The following RAD51D variants were observed in gnomAD, a reference collection of about 807,000 sequenced individuals.
RAD51D encodes RAD51 paralog D.
RAD51D carries 38 observed loss-of-function variants against 44.1 expected under a neutral mutation model. The observed-to-expected ratio is 0.86, with a 90% CI of 0.67 to 1.13. The LOEUF (loss-of-function observed/expected upper bound fraction) is 1.13. RAD51D is among the 50% of genes most tolerant of loss of function. The pLI is 0.00. For missense variants in RAD51D, 390 were observed against 414.0 expected (o/e 0.94, Z 0.50); for synonymous variants, 141 against 166.6 (o/e 0.85, Z 1.18).
intron 1 of RAD51D, 21 bp from the exon 2 acceptor site, chr17:35,119,193 G>A (rs747577074): frequency 6.2e-7 from 1 of 1,608,334 alleles, no homozygotes. Flanking sequence ...AACACGTATA[G>A]CGGATTGGCA....
intron 3 of RAD51D, among the ~76,000 whole-genome samples, chr17:35,117,919 T>A (rs566522332): frequency 6.0e-4 from 92 of 152,330 alleles, no homozygotes; most frequent in African/African-American, 2.0e-3. Context: ...CCTCTTAGGC[T>A]AAACTCAAGT....
intron 3 of RAD51D, among the ~76,000 whole-genome samples, chr17:35,109,641 T>G (rs1416601976): frequency 2.0e-5 from 3 of 152,196 alleles, no homozygotes; most frequent in Non-Finnish European, 4.4e-5. Context: ...GTTTTTAATT[T>G]GCATTTCCCT....
Position 35,100,968 on chromosome 17 carries a change from C to A in RAD51D, c.972G>T (p.Gln324His), listed in dbSNP as rs762625437. Residue 324 changes from glutamine to histidine, a missense_variant, in exon 10 of 10, where the codon CAG (glutamine) becomes CAT (histidine). Gln to His is a conservative substitution (Grantham distance 24, BLOSUM62 0). Transcript: ENST00000345365. ...WGTSEQSATL[Q>H]GDQT Reference sequence around the variant, plus strand: ...ACAGCACAGGTCATGTCTGATCACCCTGTAATGTGGCACTCTGCTCTGAGG... The same window carrying A: ...ACAGCACAGGTCATGTCTGATCACCATGTAATGTGGCACTCTGCTCTGAGG... 11 of 1,612,968 alleles carry A rather than the reference C, an allele frequency of 6.8e-6. No homozygotes were observed. Among genetic ancestry groups the A allele is most frequent in the Non-Finnish European group, 9.3e-6 (11 of 1,179,066 alleles).
rs532025403 is a variant in RAD51D at position 35,099,962 on chromosome 17, T to C, written c.*991A>G. The C allele has an allele frequency of 5.9e-5, 31 of 527,296 alleles. No homozygotes were observed. The highest frequency in any genetic ancestry group is 4.6e-4 in the South Asian group (30 of 65,102). 32.7% of individuals were successfully genotyped at this position (527,296 alleles called of 1,614,324 possible). On this transcript the variant is annotated 3_prime_UTR_variant, in exon 10 of 10. Transcript: ENST00000345365. ...GGCAGGAAGAGAGGTGTAATTATATTGCATCTTGGAGCCACCAGCAATGAA... is the reference window on the plus strand; with the variant it reads ...GGCAGGAAGAGAGGTGTAATTATATCGCATCTTGGAGCCACCAGCAATGAA...
At position 35,095,952 on chromosome 17, in the gene RAD51D, AG is replaced by A. The variant is rs879876971; in HGVS notation, c.*5000del. 5.9e-5 allele frequency: 9 copies of A among 152,222 alleles called. No individual in the cohort carries two copies. Among genetic ancestry groups the A allele is most frequent in the Non-Finnish European group, 1.0e-4 (7 of 68,042 alleles). The allele number at this position is 152,222 out of a possible 1,614,324, so 9.4% of individuals were successfully genotyped here. A position where few individuals can be genotyped will look rare whatever the true frequency, so the allele number is the denominator to read the frequency against. On this transcript the variant is annotated 3_prime_UTR_variant, in exon 10 of 10. Coordinates refer to ENST00000345365, the MANE Select transcript of RAD51D (RefSeq NM_002878.4). The stretch of plus-strand genomic sequence containing the variant: ...CACATCATCAGCTTCAGTGGGTTCC[AG>A]GCAGCCAACTATTCAAACCATTTTC...
rs2142417438 is a variant in RAD51D at position 35,103,199 on chromosome 17, TA to T, written c.738+54del. The T allele has an allele frequency of 2.0e-6, 3 of 1,524,728 alleles. No individual in the cohort carries two copies. Among genetic ancestry groups the T allele is most frequent in the Non-Finnish European group, 2.7e-6 (3 of 1,120,074 alleles). The allele number at this position is 1,524,728 out of a possible 1,614,324, so 94.4% of individuals were successfully genotyped here. ...TTCAGAAGCTGACATTTAAGGGAAA[TA>T]AAGAGCTCGCAATAACTAGAAATCA... On this transcript the variant is annotated intron_variant, in intron 8 of 9. Transcript: ENST00000345365. The surrounding 1 kb of genome is among the most constrained non-coding windows in gnomAD (Gnocchi z 4.1).
At chr17:35,110,966 A>G (rs1597867172) in intron 3 of RAD51D, among the ~76,000 whole-genome samples, 1 of 151,866 alleles carries the variant, frequency 6.6e-6, no homozygotes, top group South Asian at 2.1e-4. Context: ...TTAGCTGGGC[A>G]TGGTGGCATG....
chr17:35,101,139 G>C (rs2091530578), intron 9 of RAD51D, 62 bp downstream of exon 9: 1 of 1,611,904 alleles, frequency 6.2e-7, no homozygotes, highest in South Asian at 1.1e-5. Context: ...GAAGACATCT[G>C]TGGGTATGGA....
chr17:35,119,717 A>G lies in RAD51D; in HGVS notation c.-104T>C. The G allele has an allele frequency of 8.4e-7, 1 of 1,190,128 alleles. No homozygotes were observed. The highest frequency in any genetic ancestry group is 1.2e-6 in the Non-Finnish European group (1 of 814,324). The allele number at this position is 1,190,128 out of a possible 1,614,324, so 73.7% of individuals were successfully genotyped here. A position where few individuals can be genotyped will look rare whatever the true frequency, so the allele number is the denominator to read the frequency against. On this transcript the variant is annotated 5_prime_UTR_variant, in exon 1 of 10. Coordinates refer to ENST00000345365, the MANE Select transcript of RAD51D (RefSeq NM_002878.4). ...TCCCCTACCCCTTCCTAGAGAGGAC[A>G]CAGGCGCGCTGGCTGCCGGAGGAGA...
chr17:35,117,209 C>T (rs1209638846), intron 3 of RAD51D, among the ~76,000 whole-genome samples: 1 of 152,200 alleles, frequency 6.6e-6, no homozygotes, highest in African/African-American at 2.4e-5. Flanking sequence ...GTGTATGTAT[C>T]ATCTGCACAT....
At position 35,100,383 on chromosome 17, in the gene RAD51D, CG is replaced by C; in HGVS notation, c.*569del. 1.9e-6 allele frequency: 1 copy of C among 534,000 alleles called. No homozygotes were observed. The highest frequency in any genetic ancestry group is 3.6e-6 in the Non-Finnish European group (1 of 276,222). The allele number at this position is 534,000 out of a possible 1,614,324, so 33.1% of individuals were successfully genotyped here. A position where few individuals can be genotyped will look rare whatever the true frequency, so the allele number is the denominator to read the frequency against. ...GGGGAAATCAGGTGGCTCTAGGGCT[CG>C]GGGAATTGCCTTTTTATATTTTTAA... On this transcript the variant is annotated 3_prime_UTR_variant, in exon 10 of 10. Coordinates refer to ENST00000345365, the MANE Select transcript of RAD51D (RefSeq NM_002878.4).
At position 35,099,030 on chromosome 17, in the gene RAD51D, G is replaced by A. The variant is rs560976113; in HGVS notation, c.*1923C>T. On this transcript the variant is annotated 3_prime_UTR_variant, in exon 10 of 10. Coordinates refer to ENST00000345365, the MANE Select transcript of RAD51D (RefSeq NM_002878.4). ...AGCTAATTTAAAAAATTTTTTTGTA[G>A]AAACGATGTCTCATCATGTTGCCCA... is the stretch of plus-strand genomic sequence containing the variant. The A allele has an allele frequency of 2.3e-4, 35 of 151,884 alleles. No homozygotes were observed. The highest frequency in any genetic ancestry group is 7.5e-4 in the African/African-American group (31 of 41,406). The allele number at this position is 151,884 out of a possible 1,614,324, so 9.4% of individuals were successfully genotyped here.
rs1187877952 is a variant in RAD51D at position 35,093,674 on chromosome 17, A to G, written c.*7279T>C. ...CATCTAACTCAGTAAAATATTGTAA[A>G]TAGTCCACTAAAGTTAGGAACAAGA... On this transcript the variant is annotated 3_prime_UTR_variant, in exon 10 of 10. Coordinates refer to ENST00000345365, the MANE Select transcript of RAD51D (RefSeq NM_002878.4). 4 of 152,356 alleles carry G rather than the reference A, an allele frequency of 2.6e-5. No individual in the cohort carries two copies. The East Asian group carries it at 5.8e-4, about 22-fold the overall frequency. 9.4% of individuals were successfully genotyped at this position (152,356 alleles called of 1,614,324 possible). A position where few individuals can be genotyped will look rare whatever the true frequency, so the allele number is the denominator to read the frequency against.
chr17:35,116,433 T>A (rs1366842506), intron 3 of RAD51D, among the ~76,000 whole-genome samples: 1 of 152,224 alleles, frequency 6.6e-6, no homozygotes, highest in African/African-American at 2.4e-5. Flanking sequence ...CTTGAACAAG[T>A]CATTTAACCT....
chr17:35,118,435 AAGC>A (rs1359352281), intron 3 of RAD51D, 63 bp downstream of exon 3: 7 of 1,391,632 alleles, frequency 5.0e-6, no homozygotes, highest in Non-Finnish European at 7.1e-6. Context: ...CAAGCATCAA[AAGC>A]AGAGCTGAGA....
At chr17:35,118,451 A>T in intron 3 of RAD51D, 50 bp downstream of exon 3, 1 of 1,476,528 alleles carries the variant, frequency 6.8e-7, no homozygotes, top group Non-Finnish European at 9.5e-7. Flanking sequence ...AGCTGAGAGG[A>T]GGCCCCATCC....
intron 3 of RAD51D, among the ~76,000 whole-genome samples, chr17:35,113,916 C>G (rs1054259232): frequency 6.6e-6 from 1 of 152,208 alleles, no homozygotes; most frequent in African/African-American, 2.4e-5. Flanking sequence ...GATTTTGAAG[C>G]CTGCTCAAGT....
rs975487439 is a variant in RAD51D at position 35,098,900 on chromosome 17, G to A, written c.*2053C>T. The A allele has an allele frequency of 1.3e-5, 2 of 152,102 alleles. No homozygotes were observed. Among genetic ancestry groups the A allele is most frequent in the East Asian group, 3.9e-4 (2 of 5,180 alleles). 9.4% of individuals were successfully genotyped at this position (152,102 alleles called of 1,614,324 possible). ...GCTCTGTTACCCAGGCTGGGGTGTAGTGGTGCGATCAGGGCTCACTGCAGC... is the reference window on the plus strand; with the variant it reads ...GCTCTGTTACCCAGGCTGGGGTGTAATGGTGCGATCAGGGCTCACTGCAGC... On this transcript the variant is annotated 3_prime_UTR_variant, in exon 10 of 10. Transcript: ENST00000345365.
At chr17:35,118,070 T>C (rs2091770379) in intron 3 of RAD51D, among the ~76,000 whole-genome samples, 3 of 152,176 alleles carry the variant, frequency 2.0e-5, no homozygotes, top group Admixed American at 2.0e-4. Flanking sequence ...CCAGAGAAGA[T>C]GGTGAAAATA....
Sources: gnomAD v4.1 joint callset for allele counts (sites outside exome capture counted in the v4.1 genomes callset) on GRCh38, gnomAD v4.1.1 for gene constraint, Gnocchi (gnomAD v3.1) non-coding constraint, MANE v1.5 for transcripts, NCBI Gene and HGNC (gene_info 2026-07-23, HGNC 2026-07-21) for gene names.